Variants in NXPE1 observed in about 807,000 individuals in gnomAD.
NXPE1 encodes neurexophilin and PC-esterase domain family member 1.
In NXPE1, 31 loss-of-function variants were observed where a neutral mutation model predicts 33.3. That is an observed-to-expected ratio of 0.93 (90% CI 0.70 to 1.26). The LOEUF (loss-of-function observed/expected upper bound fraction) is 1.26. Ranked by LOEUF, NXPE1 falls within the 50% of genes most tolerant of loss-of-function variation. The pLI, the probability that NXPE1 is intolerant of heterozygous loss-of-function variation, is 0.00. For synonymous variants in NXPE1, 229 were observed against 231.4 expected (o/e 0.99, Z 0.09); for missense variants, 661 against 655.6 (o/e 1.01, Z -0.09).
chr11:114,552,249 C>T lies in NXPE1; in HGVS notation c.-181-164G>A, dbSNP rs534874640. Among the ~76,000 whole-genome samples, 332 of 152,170 alleles carry T rather than the reference C, an allele frequency of 2.2e-3. 2 individuals are homozygous for T. Among genetic ancestry groups the T allele is most frequent in the South Asian group, 3.7e-3 (18 of 4,818 alleles). On this transcript the variant is annotated intron_variant, in intron 2 of 8. Coordinates refer to ENST00000534921, the Ensembl canonical transcript of NXPE1. Reference sequence around the variant, plus strand: ...ATCTATGACTTCCCAATTACTGAAGCGTGGTGTGAGAGAACTTGTAGAGGT... The same window carrying T: ...ATCTATGACTTCCCAATTACTGAAGTGTGGTGTGAGAGAACTTGTAGAGGT...
intron 7 of NXPE1, among the ~76,000 whole-genome samples, chr11:114,525,846 T>C (rs777961704): frequency 6.6e-6 from 1 of 152,224 alleles, no homozygotes; most frequent in Non-Finnish European, 1.5e-5. Context: ...TGTTCGGGGC[T>C]CAGCCTTTGG....
intron 8 of NXPE1, 37 bp from the exon 9 acceptor site, chr11:114,522,540 T>C: frequency 6.8e-7 from 1 of 1,468,476 alleles, no homozygotes; most frequent in Non-Finnish European, 9.2e-7. Context: ...AAATAGAAGA[T>C]AATGGTTAAT....
chr11:114,519,963 CGAGCT>C (rs1555039003), downstream of NXPE1, among the ~76,000 whole-genome samples: 23 of 149,162 alleles, frequency 1.5e-4, no homozygotes, highest in Admixed American at 2.7e-4. Context: ...GCCATCTCGG[CGAGCT>C]TGCCCGCTAA....
intron 5 of NXPE1, among the ~76,000 whole-genome samples, chr11:114,546,391 T>C (rs1005923246): frequency 5.3e-5 from 8 of 152,116 alleles, no homozygotes; most frequent in African/African-American, 1.9e-4. Flanking sequence ...TAATATAGAT[T>C]GAAATGGATA....
chr11:114,532,348 C>G (rs1038415878), intron 5 of NXPE1, among the ~76,000 whole-genome samples: 1 of 152,004 alleles, frequency 6.6e-6, no homozygotes, highest in Non-Finnish European at 1.5e-5. Flanking sequence ...CCCAAAAGAA[C>G]CTTTTGGTTC....
chr11:114,552,916 A>G, intron 1 of NXPE1, 36 bp from the exon 2 acceptor site: 1 of 913,398 alleles, frequency 1.1e-6, no homozygotes, highest in Non-Finnish European at 1.3e-6. Flanking sequence ...TTAATGAAAT[A>G]AACATTTATG....
At chr11:114,548,416 G>T (rs1300441225) in intron 5 of NXPE1, among the ~76,000 whole-genome samples, 1 of 151,852 alleles carries the variant, frequency 6.6e-6, no homozygotes, top group Non-Finnish European at 1.5e-5. Flanking sequence ...CTATATCTTA[G>T]GTCATGAAGA....
chr11:114,546,108 C>G (rs573699899), intron 5 of NXPE1, among the ~76,000 whole-genome samples: 6 of 152,312 alleles, frequency 3.9e-5, no homozygotes, highest in African/African-American at 1.4e-4. Flanking sequence ...TATGACATAA[C>G]CTTGCTGGAT....
At chr11:114,553,768 G>A (rs553879085) in intron 1 of NXPE1, 6 of 985,236 alleles carry the variant, frequency 6.1e-6, no homozygotes, top group South Asian at 9.4e-5. Flanking sequence ...CACTGGTAGA[G>A]GTGAGCTGAA....
chr11:114,531,744 G>A (rs772313355), intron 5 of NXPE1, among the ~76,000 whole-genome samples: 3 of 151,708 alleles, frequency 2.0e-5, no homozygotes, highest in Non-Finnish European at 4.4e-5. Context: ...CCTCTTCCTG[G>A]ATTGCTGAAT....
rs1296377556 is a variant in NXPE1 at position 114,551,180 on chromosome 11, G to T, written c.22C>A (p.Gln8Lys). The change falls in exon 5 of 9, where the codon CAA (glutamine) becomes AAA (lysine). Residue 8 changes from glutamine to lysine, a missense_variant. By Grantham distance (53) the Gln-to-Lys change is moderately conservative (BLOSUM62 1). Transcript: ENST00000534921. ...GAGATCAAGATCAGCAGCGTTTTTT[G>T]AAGCATTGTATTTGAGGACATGACG... The T allele has an allele frequency of 2.4e-5, 37 of 1,534,638 alleles. No homozygotes were observed. In the South Asian group the frequency reaches 3.1e-4, roughly 13 times the overall value.
intron 5 of NXPE1, among the ~76,000 whole-genome samples, chr11:114,535,563 G>A (rs917292542): frequency 1.2e-4 from 18 of 152,190 alleles, no homozygotes; most frequent in African/African-American, 4.1e-4. Context: ...ACATACATAG[G>A]CTCAAAATAA....
At chr11:114,539,184 C>T (rs1591284367) in intron 5 of NXPE1, among the ~76,000 whole-genome samples, 1 of 150,218 alleles carries the variant, frequency 6.7e-6, no homozygotes, top group East Asian at 2.0e-4. Flanking sequence ...ATCACAAGGA[C>T]AAAAAACCAA....
Position 114,536,406 on chromosome 11 carries a change from A to G in NXPE1, c.100-5498T>C, listed in dbSNP as rs563182271. On this transcript the variant is annotated intron_variant, in intron 5 of 8. Transcript: ENST00000534921. The stretch of plus-strand genomic sequence containing the variant: ...GCAAGAGCAAACATATTCAAAAGCT[A>G]GCAGAAGGCAAGAAATAACTAAGAT... Among the ~76,000 whole-genome samples, 73 of 152,348 alleles carry G rather than the reference A, an allele frequency of 4.8e-4. No individual in the cohort carries two copies. The East Asian group carries it at 6.4e-3, about 13-fold the overall frequency.
chr11:114,545,134 C>CTA (rs1261659889), intron 5 of NXPE1, among the ~76,000 whole-genome samples: 3 of 152,142 alleles, frequency 2.0e-5, no homozygotes, highest in African/African-American at 7.2e-5. Flanking sequence ...AATGGCACAG[C>CTA]TACTTTGAAA....
intron 5 of NXPE1, among the ~76,000 whole-genome samples, chr11:114,548,594 A>T (rs1363711055): frequency 1.3e-5 from 2 of 152,054 alleles, no homozygotes; most frequent in Non-Finnish European, 2.9e-5. Context: ...AATAAAATCA[A>T]TTGGGTATTT....
At chr11:114,528,897 G>A (rs1947466464) in intron 6 of NXPE1, 1 of 585,900 alleles carries the variant, frequency 1.7e-6, no homozygotes, top group East Asian at 2.8e-5. Flanking sequence ...GATGGTTGAT[G>A]GGTAGGAAGA....
chr11:114,527,928 T>A (rs771498579), intron 6 of NXPE1, 27 bp from the exon 7 acceptor site: 6 of 1,565,206 alleles, frequency 3.8e-6, no homozygotes, highest in Non-Finnish European at 5.3e-6. Flanking sequence ...GAACAATAAA[T>A]TAGCCTGCTC....
intron 5 of NXPE1, among the ~76,000 whole-genome samples, chr11:114,533,834 G>A (rs1483088897): frequency 6.6e-6 from 1 of 152,256 alleles, no homozygotes; most frequent in African/African-American, 2.4e-5. Context: ...AGGCATGCCT[G>A]CCTCTTTAGG....
Sources: gnomAD v4.1 joint callset for allele counts (sites outside exome capture counted in the v4.1 genomes callset) on GRCh38, gnomAD v4.1.1 for gene constraint, MANE v1.5 for transcripts, NCBI Gene and HGNC (gene_info 2026-07-23, HGNC 2026-07-21) for gene names.